Variants in ARHGAP24 observed in about 807,000 individuals in gnomAD.
ARHGAP24 encodes Rho GTPase activating protein 24.
In ARHGAP24, 50 loss-of-function variants were observed where a neutral mutation model predicts 76.4. The ratio of observed to expected loss-of-function variants is 0.65; its 90% CI spans 0.52 to 0.83. ARHGAP24 has a LOEUF of 0.83. ARHGAP24 is among the 40% of genes least tolerant of loss of function. The pLI, the probability that ARHGAP24 is intolerant of heterozygous loss-of-function variation, is 0.00. For missense variants in ARHGAP24, 930 were observed against 914.2 expected (o/e 1.02, Z -0.22); for synonymous variants, 345 against 323.3 (o/e 1.07, Z -0.72).
intron 8 of ARHGAP24, among the ~76,000 whole-genome samples, chr4:85,978,082 GA>G (rs1460273130): frequency 6.6e-6 from 1 of 152,160 alleles, no homozygotes; most frequent in Non-Finnish European, 1.5e-5. Flanking sequence ...CTGACTTAGG[GA>G]AAAATGGTCT....
intron 2 of ARHGAP24, among the ~76,000 whole-genome samples, chr4:85,624,167 T>C (rs899674156): frequency 6.6e-6 from 1 of 152,200 alleles, no homozygotes; most frequent in Non-Finnish European, 1.5e-5. Flanking sequence ...CTTGTGCCCG[T>C]TTTCAAAGGA....
intron 8 of ARHGAP24, chr4:85,990,916 T>TA (rs1740282833): frequency 6.6e-6 from 1 of 151,976 alleles, no homozygotes; most frequent in African/African-American, 2.4e-5. Flanking sequence ...TTTAAAAAAT[T>TA]ATTTGATAAG....
At chr4:85,753,453 A>G (rs895695574) in intron 3 of ARHGAP24, among the ~76,000 whole-genome samples, 1 of 152,216 alleles carries the variant, frequency 6.6e-6, no homozygotes, top group African/African-American at 2.4e-5. Flanking sequence ...ACATCAAACT[A>G]TAATAAGACC....
At chr4:85,768,168 TAAAA>T (rs922086176) in intron 3 of ARHGAP24, among the ~76,000 whole-genome samples, 78 of 151,972 alleles carry the variant, frequency 5.1e-4, no homozygotes, top group African/African-American at 1.6e-3. Flanking sequence ...ATAAAATAAT[TAAAA>T]AGAAAGATGA....
At chr4:85,607,522 C>G (rs1326928923) in intron 2 of ARHGAP24, among the ~76,000 whole-genome samples, 1 of 152,102 alleles carries the variant, frequency 6.6e-6, no homozygotes, top group East Asian at 1.9e-4. Context: ...CGTACCCCTT[C>G]CCTAATATCA....
At chr4:85,841,920 C>T (rs551655122) in intron 3 of ARHGAP24, among the ~76,000 whole-genome samples, 2 of 152,114 alleles carry the variant, frequency 1.3e-5, no homozygotes, top group Non-Finnish European at 2.9e-5. Flanking sequence ...TTGTACCAGC[C>T]ACTGTTCTAA....
Position 85,482,769 on chromosome 4 carries a change from A to G in ARHGAP24, c.-21+7210A>G, listed in dbSNP as rs139790153. Among the ~76,000 whole-genome samples the G allele has an allele frequency of 2.9e-3, 446 of 152,298 alleles. 2 individuals carry two copies. Among genetic ancestry groups the G allele is most frequent in the South Asian group, 0.028 (136 of 4,826 alleles). The stretch of plus-strand genomic sequence containing the variant: ...TGCTTGTCATAGGTTATCTCATTTA[A>G]TCCTCACAGTTCCTACATGAGCCCT... On this transcript the variant is annotated intron_variant, in intron 1 of 9. Coordinates refer to ENST00000395184, the MANE Select transcript of ARHGAP24 (RefSeq NM_001025616.3).
At chr4:85,978,247 A>G (rs1235880431) in intron 8 of ARHGAP24, among the ~76,000 whole-genome samples, 1 of 152,184 alleles carries the variant, frequency 6.6e-6, no homozygotes, top group Non-Finnish European at 1.5e-5. Context: ...TAATAGCAAC[A>G]TTGTTTGCTA....
At chr4:85,705,137 G>T (rs188443784) in intron 2 of ARHGAP24, among the ~76,000 whole-genome samples, 72 of 151,870 alleles carry the variant, frequency 4.7e-4, no homozygotes, top group Non-Finnish European at 8.1e-4. Context: ...TTTGAATTAT[G>T]ATCTACCATT....
intron 3 of ARHGAP24, among the ~76,000 whole-genome samples, chr4:85,834,806 G>T (rs1348878746): frequency 6.6e-6 from 1 of 152,018 alleles, no homozygotes; most frequent in Admixed American, 6.6e-5. Context: ...GGAATGTTTT[G>T]TTTCCCCAAG....
At chr4:85,985,056 A>G (rs942986780) in intron 8 of ARHGAP24, among the ~76,000 whole-genome samples, 1 of 152,166 alleles carries the variant, frequency 6.6e-6, no homozygotes, top group African/African-American at 2.4e-5. Flanking sequence ...TCCTGACCTC[A>G]GGTGATCTGC....
intron 3 of ARHGAP24, among the ~76,000 whole-genome samples, chr4:85,877,639 A>AG (rs1227332580): frequency 4.6e-5 from 7 of 152,138 alleles, no homozygotes; most frequent in South Asian, 2.1e-4. Flanking sequence ...AAAAAAAAAA[A>AG]AAGAAGAAGA....
intron 3 of ARHGAP24, among the ~76,000 whole-genome samples, chr4:85,875,566 TTA>T (rs202238691): frequency 0.46 from 43,823 of 94,832 alleles, 11,736 homozygotes; most frequent in East Asian, 0.87. Context: ...TATTTTTATA[TTA>T]TATAATATAT....
intron 2 of ARHGAP24, among the ~76,000 whole-genome samples, chr4:85,595,692 A>G (rs1355086683): frequency 6.6e-6 from 1 of 152,124 alleles, no homozygotes; most frequent in East Asian, 1.9e-4. Flanking sequence ...AATGAAAACA[A>G]GCTTCCCAGG....
At chr4:85,724,517 A>G (rs924718493) in intron 3 of ARHGAP24, among the ~76,000 whole-genome samples, 35 of 60,254 alleles carry the variant, frequency 5.8e-4, no homozygotes, top group African/African-American at 1.5e-3. Flanking sequence ...ATATATATAT[A>G]TATATATATA....
intron 3 of ARHGAP24, among the ~76,000 whole-genome samples, chr4:85,891,076 G>A (rs1006109404): frequency 1.4e-4 from 22 of 152,176 alleles, no homozygotes; most frequent in Admixed American, 6.5e-4. Context: ...GCAGGCAGTG[G>A]AAGTCAGCAT....
At chr4:85,591,578 CATT>C (rs999680187) in intron 2 of ARHGAP24, among the ~76,000 whole-genome samples, 3 of 152,156 alleles carry the variant, frequency 2.0e-5, no homozygotes, top group African/African-American at 7.2e-5. Flanking sequence ...AAGTCACAGT[CATT>C]AGTTACAAGT....
chr4:85,672,786 G>C (rs1275215601), intron 2 of ARHGAP24, among the ~76,000 whole-genome samples: 1 of 152,120 alleles, frequency 6.6e-6, no homozygotes, highest in Non-Finnish European at 1.5e-5. Context: ...AGGAGAAATG[G>C]GAAATGCTGA....
At chr4:85,520,510 A>C (rs1446305030) in intron 1 of ARHGAP24, among the ~76,000 whole-genome samples, 1 of 152,174 alleles carries the variant, frequency 6.6e-6, no homozygotes, top group Non-Finnish European at 1.5e-5. Context: ...CCAATAACTC[A>C]GTGCATATTC....
Sources: gnomAD v4.1 joint callset for allele counts (sites outside exome capture counted in the v4.1 genomes callset) on GRCh38, gnomAD v4.1.1 for gene constraint, MANE v1.5 for transcripts, NCBI Gene and HGNC (gene_info 2026-07-23, HGNC 2026-07-21) for gene names.